The following DOCK1 variants were observed in gnomAD, a reference collection of about 807,000 sequenced individuals.
DOCK1 encodes dedicator of cytokinesis protein 1.
In DOCK1, 138 loss-of-function variants were observed where a neutral mutation model predicts 262.7. The ratio of observed to expected loss-of-function variants is 0.53; its 90% CI spans 0.46 to 0.61. The LOEUF is 0.61. Ranked by LOEUF, DOCK1 falls within the 20% of genes least tolerant of loss-of-function variation. The pLI, the probability that DOCK1 is intolerant of heterozygous loss-of-function variation, is 0.00. For synonymous variants in DOCK1, 866 were observed against 867.4 expected (o/e 1.00, Z 0.03); for missense variants, 1,908 against 2,370.7 (o/e 0.80, Z 4.05).
intron 38 of DOCK1, among the ~76,000 whole-genome samples, chr10:127,392,612 A>G (rs7916819): frequency 0.47 from 70,680 of 151,676 alleles, 16,774 homozygotes; most frequent in African/African-American, 0.51. Context: ...AACAGCACAC[A>G]ATCAAGAAGG....
intron 33 of DOCK1, among the ~76,000 whole-genome samples, chr10:127,365,384 G>A (rs56055709): frequency 0.068 from 10,285 of 152,254 alleles, 513 homozygotes; most frequent in Middle Eastern, 0.095. Context: ...CATTGCTGCT[G>A]GCACTATATC....
chr10:127,261,072 T>G (rs1425780719), intron 29 of DOCK1, among the ~76,000 whole-genome samples: 1 of 147,652 alleles, frequency 6.8e-6, no homozygotes, highest in African/African-American at 2.6e-5. Flanking sequence ...CATGTGGGTG[T>G]GTGTGTACCT....
At chr10:127,182,499 A>T (rs568274506) in intron 27 of DOCK1, among the ~76,000 whole-genome samples, 1 of 152,190 alleles carries the variant, frequency 6.6e-6, no homozygotes, top group South Asian at 2.1e-4. Flanking sequence ...ATGTTTCACT[A>T]CCCAGTTCTT....
At chr10:127,150,435 G>C (rs1192131164) in intron 27 of DOCK1, among the ~76,000 whole-genome samples, 1 of 152,276 alleles carries the variant, frequency 6.6e-6, no homozygotes, top group Non-Finnish European at 1.5e-5. Flanking sequence ...CCAGTGCTTG[G>C]TAGTCAGATA....
chr10:126,952,389 G>T (rs1341788445), intron 1 of DOCK1, among the ~76,000 whole-genome samples: 1 of 151,084 alleles, frequency 6.6e-6, no homozygotes, highest in Non-Finnish European at 1.5e-5. Context: ...GGTAGTGTTG[G>T]TGATGTGGCG....
intron 1 of DOCK1, among the ~76,000 whole-genome samples, chr10:126,949,451 A>G (rs1243787538): frequency 6.6e-6 from 1 of 152,094 alleles, no homozygotes; most frequent in Non-Finnish European, 1.5e-5. Flanking sequence ...GGCAGTCCAA[A>G]GTGGGTAGGT....
chr10:127,442,383 C>A (rs898457955), intron 49 of DOCK1, among the ~76,000 whole-genome samples: 2 of 152,170 alleles, frequency 1.3e-5, no homozygotes, highest in Admixed American at 6.5e-5. Flanking sequence ...ACTCACCTGC[C>A]TGCCCTTCCT....
intron 1 of DOCK1, among the ~76,000 whole-genome samples, chr10:126,965,541 T>G (rs1317129741): frequency 6.6e-6 from 1 of 151,982 alleles, no homozygotes; most frequent in East Asian, 1.9e-4. Flanking sequence ...TGTGGAGTGG[T>G]GAGATATCCT....
intron 27 of DOCK1, among the ~76,000 whole-genome samples, chr10:127,202,327 A>G (rs1352226875): frequency 6.6e-6 from 1 of 151,828 alleles, no homozygotes. Flanking sequence ...TGTCTCCAAA[A>G]AAAAAAAAAG....
At chr10:127,153,667 C>T (rs2052731718) in intron 27 of DOCK1, among the ~76,000 whole-genome samples, 3 of 152,212 alleles carry the variant, frequency 2.0e-5, no homozygotes, top group Admixed American at 6.5e-5. Context: ...AGCTCTCCTA[C>T]ATCCCACGGT....
intron 27 of DOCK1, among the ~76,000 whole-genome samples, chr10:127,244,680 T>A (rs1350333523): frequency 6.6e-6 from 1 of 152,194 alleles, no homozygotes; most frequent in African/African-American, 2.4e-5. Context: ...GTTTTTAAAT[T>A]TTCTGCAAGT....
chr10:127,381,378 A>G lies in DOCK1; in HGVS notation c.3807+10A>G, dbSNP rs777495666. 1.2e-6 allele frequency: 2 copies of G among 1,603,618 alleles called. No individual in the cohort carries two copies. The highest frequency in any genetic ancestry group is 1.1e-5 in the South Asian group (1 of 88,946). ...TGCAAAGCTTCTTAAGGTAATGTCA[A>G]TTACCAGTCACCTTGATGATTCTAT... On this transcript the variant is annotated intron_variant, in intron 37 of 51. Coordinates refer to ENST00000623213, the MANE Select transcript of DOCK1 (RefSeq NM_001290223.2).
chr10:127,181,430 C>G (rs1411573422), intron 27 of DOCK1, among the ~76,000 whole-genome samples: 1 of 152,056 alleles, frequency 6.6e-6, no homozygotes, highest in Non-Finnish European at 1.5e-5. Flanking sequence ...GCAGTTTGAC[C>G]CTGTGATGGG....
At chr10:127,133,111 G>A (rs1477860729) in intron 27 of DOCK1, among the ~76,000 whole-genome samples, 2 of 152,178 alleles carry the variant, frequency 1.3e-5, no homozygotes, top group Non-Finnish European at 2.9e-5. Context: ...TGTGACAACA[G>A]CATCTTTGGT....
intron 28 of DOCK1, among the ~76,000 whole-genome samples, chr10:127,250,791 C>CAAAAAAAAAA (rs1180814401): frequency 9.4e-5 from 6 of 64,040 alleles, no homozygotes; most frequent in Admixed American, 2.6e-4. Flanking sequence ...GACTCCGTCT[C>CAAAAAAAAAA]AAAAAAAAAA....
intron 40 of DOCK1, 126 bp from the exon 41 acceptor site, chr10:127,408,911 G>C: frequency 7.8e-7 from 1 of 1,283,462 alleles, no homozygotes; most frequent in South Asian, 1.6e-5. Flanking sequence ...AAAATTACAA[G>C]TTGTTCTTAA....
intron 27 of DOCK1, among the ~76,000 whole-genome samples, chr10:127,149,334 C>CT (rs1446433277): frequency 6.6e-6 from 1 of 152,174 alleles, no homozygotes; most frequent in East Asian, 1.9e-4. Flanking sequence ...TGTTTCTCAC[C>CT]TTTCGCTTGT....
chr10:127,225,602 C>A (rs188960636), intron 27 of DOCK1, among the ~76,000 whole-genome samples: 8 of 152,306 alleles, frequency 5.3e-5, no homozygotes, highest in African/African-American at 1.9e-4. Context: ...GGATTTCTAG[C>A]CAAGGAGTTT....
At chr10:127,062,692 G>A (rs2045611670) in intron 23 of DOCK1, among the ~76,000 whole-genome samples, 1 of 152,182 alleles carries the variant, frequency 6.6e-6, no homozygotes, top group African/African-American at 2.4e-5. Context: ...TATTTTCATT[G>A]CTTCTCTCTT....
Sources: gnomAD v4.1 joint callset for allele counts (sites outside exome capture counted in the v4.1 genomes callset) on GRCh38, gnomAD v4.1.1 for gene constraint, MANE v1.5 for transcripts, NCBI Gene and HGNC (gene_info 2026-07-23, HGNC 2026-07-21) for gene names.